KMT2C: variants seen among roughly 807,000 people sequenced by gnomAD.
KMT2C encodes histone-lysine N-methyltransferase 2C.
KMT2C carries 88 observed loss-of-function variants against 507.9 expected under a neutral mutation model. That is an observed-to-expected ratio of 0.17 (90% CI 0.15 to 0.21). The LOEUF is 0.21. KMT2C is among the 10% of genes least tolerant of loss of function. The pLI, the probability that KMT2C is intolerant of heterozygous loss-of-function variation, is 1.00. For synonymous variants in KMT2C, 2,049 were observed against 2,080.8 expected (o/e 0.98, Z 0.42); for missense variants, 4,954 against 5,957.8 (o/e 0.83, Z 5.55).
In KMT2C at chr7:152,162,609, G is replaced by A. The variant is rs140416183; in HGVS notation, c.10968C>T (p.Ala3656=). The change falls in exon 43 of 59, where the codon GCC becomes GCT. Residue 3656 remains alanine (A), a synonymous_variant. Transcript: ENST00000262189. The stretch of plus-strand genomic sequence containing the variant: ...CGACTGGTTCCACCGACTCTTGGTC[G>A]GCTTGTTGAGGAAGCTCACTGGGTG... ...VSTPSELPQQ[A]DQESVEPVGP... 93 of 1,614,188 alleles carry A rather than the reference G, an allele frequency of 5.8e-5. No individual in the cohort carries two copies. Among genetic ancestry groups the A allele is most frequent in the African/African-American group, 4.1e-4 (31 of 75,040 alleles).
intron 2 of KMT2C, among the ~76,000 whole-genome samples, chr7:152,345,898 T>C (rs1253809191): frequency 6.6e-6 from 1 of 152,176 alleles, no homozygotes; most frequent in Non-Finnish European, 1.5e-5. Context: ...AATATAAAGA[T>C]ACATACGGAT....
At chr7:152,336,101 T>C (rs1337976602) in intron 2 of KMT2C, among the ~76,000 whole-genome samples, 1 of 152,164 alleles carries the variant, frequency 6.6e-6, no homozygotes, top group Non-Finnish European at 1.5e-5. Context: ...GTTTTGGTTT[T>C]ACTTTTGGTT....
chr7:152,204,592 TAG>T (rs2094242814), intron 25 of KMT2C, among the ~76,000 whole-genome samples: 1 of 9,242 alleles, frequency 1.1e-4, no homozygotes, highest in South Asian at 2.3e-3. Context: ...GTGAGACCCC[TAG>T]ATAGATAGAT....
intron 1 of KMT2C, among the ~76,000 whole-genome samples, chr7:152,364,136 A>G (rs1043260963): frequency 1.3e-5 from 2 of 152,246 alleles, no homozygotes; most frequent in East Asian, 1.9e-4. Context: ...AAAAAAATAA[A>G]TAAGTCTCAA....
rs1250628809 is a variant in KMT2C, at chr7:152,248,202, T to C, written c.2232A>G (p.Thr744=). 1 of 1,613,934 alleles carries C rather than the reference T, an allele frequency of 6.2e-7. No homozygotes were observed. The highest frequency in any genetic ancestry group is 1.3e-5 in the African/African-American group (1 of 74,948). ...TGLMDSEMTP[T]IEGCVKDVSY... ...AAACATCTTTCACACAACCCTCAAT[T>C]GTAGGAGTCATTTCAGAGTCCATCA... Residue 744 remains threonine, a synonymous_variant, in exon 14 of 59, where the codon ACA becomes ACG. Transcript: ENST00000262189.
At chr7:152,320,659 G>A (rs2096765223) in intron 3 of KMT2C, among the ~76,000 whole-genome samples, 4 of 151,912 alleles carry the variant, frequency 2.6e-5, no homozygotes, top group Admixed American at 2.6e-4. Context: ...ATTTTTCTCA[G>A]AAAATACTAT....
At chr7:152,298,777 G>C (rs1194936758) in intron 6 of KMT2C, among the ~76,000 whole-genome samples, 1 of 152,104 alleles carries the variant, frequency 6.6e-6, no homozygotes, top group East Asian at 1.9e-4. Context: ...AGAGATATAT[G>C]TTTAATAAAA....
chr7:152,419,032 A>G (rs912346599), intron 1 of KMT2C, among the ~76,000 whole-genome samples: 1 of 152,074 alleles, frequency 6.6e-6, no homozygotes, highest in Non-Finnish European at 1.5e-5. Context: ...CTGTCCCTAC[A>G]TAAAAAGATT....
intron 3 of KMT2C, among the ~76,000 whole-genome samples, chr7:152,321,654 T>C (rs2096774091): frequency 6.6e-6 from 1 of 151,950 alleles, no homozygotes; most frequent in Admixed American, 6.6e-5. Flanking sequence ...AAAATTAATG[T>C]AATAATCCCA....
intron 1 of KMT2C, among the ~76,000 whole-genome samples, chr7:152,365,977 C>T (rs931636772): frequency 6.6e-6 from 1 of 151,602 alleles, no homozygotes; most frequent in Non-Finnish European, 1.5e-5. Context: ...ATACAAATGA[C>T]CAAAAAAACA....
intron 7 of KMT2C, among the ~76,000 whole-genome samples, chr7:152,270,707 A>T (rs2095948307): frequency 6.6e-6 from 1 of 152,166 alleles, no homozygotes; most frequent in Non-Finnish European, 1.5e-5. Context: ...TTCAGGAAGT[A>T]TATCTGGTTG....
Position 152,188,617 on chromosome 7 carries a change from T to G in KMT2C, c.4661-770A>C, listed in dbSNP as rs1458226671. Among the ~76,000 whole-genome samples, 3 of 132,288 alleles carry G rather than the reference T, an allele frequency of 2.3e-5. No individual in the cohort carries two copies. In the South Asian group the frequency reaches 7.0e-4, roughly 31 times the overall value. The allele number at this position is 132,288 out of a possible 152,430, so 86.8% of individuals were successfully genotyped here. ...CTATGATTCTTTCCTTTTTTTTTTT[T>G]TTTTTTTGTTTTTGAGATGGAGTCT... On this transcript the variant is annotated intron_variant, in intron 31 of 58. Transcript: ENST00000262189.
At chr7:152,222,538 A>C in intron 21 of KMT2C, 35 bp downstream of exon 21, 2 of 1,098,372 alleles carry the variant, frequency 1.8e-6, no homozygotes, top group Non-Finnish European at 2.8e-6. Context: ...GAGTGGTACA[A>C]GAGTGCAGAC....
At chr7:152,204,365 C>T (rs2094234087) in intron 25 of KMT2C, among the ~76,000 whole-genome samples, 1 of 152,132 alleles carries the variant, frequency 6.6e-6, no homozygotes, top group Admixed American at 6.6e-5. Context: ...GAGGCTGAGG[C>T]AGGAGGATCG....
chr7:152,206,274 G>C (rs769864283), intron 24 of KMT2C, among the ~76,000 whole-genome samples: 55 of 151,784 alleles, frequency 3.6e-4, no homozygotes, highest in Non-Finnish European at 3.4e-4. Flanking sequence ...TGACTTCCAT[G>C]TGAGGCAGAG....
chr7:152,429,163 G>C (rs1044832595), intron 1 of KMT2C, among the ~76,000 whole-genome samples: 4 of 152,042 alleles, frequency 2.6e-5, no homozygotes, highest in Non-Finnish European at 5.9e-5. Flanking sequence ...CACCCCTCTA[G>C]GCCACAATAA....
At chr7:152,392,825 A>G (rs1478395398) in intron 1 of KMT2C, among the ~76,000 whole-genome samples, 3 of 152,258 alleles carry the variant, frequency 2.0e-5, no homozygotes, top group Non-Finnish European at 4.4e-5. Context: ...AAAGAACAAT[A>G]ATACAATATA....
chr7:152,356,323 C>T (rs1253671798), intron 2 of KMT2C, among the ~76,000 whole-genome samples: 1 of 152,014 alleles, frequency 6.6e-6, no homozygotes, highest in Non-Finnish European at 1.5e-5. Flanking sequence ...GCCTGTAATC[C>T]TAGCATTTTG....
At chr7:152,191,556 T>A (rs2093794527) in intron 31 of KMT2C, among the ~76,000 whole-genome samples, 1 of 152,194 alleles carries the variant, frequency 6.6e-6, no homozygotes, top group Non-Finnish European at 1.5e-5. Flanking sequence ...TTAGTACAAT[T>A]CTTCTCGTCC....
Sources: allele counts gnomAD v4.1 joint callset (sites outside exome capture counted in the v4.1 genomes callset), GRCh38; gene constraint gnomAD v4.1.1; transcripts MANE v1.5; gene names NCBI Gene and HGNC (gene_info 2026-07-23, HGNC 2026-07-21).